Variants in GRM8 observed in about 807,000 individuals in gnomAD.
GRM8 encodes metabotropic glutamate receptor 8.
A neutral mutation model predicts 87.2 loss-of-function variants in GRM8; 47 were observed. That is an observed-to-expected ratio of 0.54 (90% CI 0.43 to 0.69). The LOEUF (loss-of-function observed/expected upper bound fraction) is 0.69, where lower values mean the gene tolerates loss of function less well. Among genes scored for constraint, GRM8 ranks in the 30% least tolerant of loss-of-function variants. The pLI is 0.00. For missense variants in GRM8, 1,019 were observed against 1,139.2 expected (o/e 0.89, Z 1.52); for synonymous variants, 396 against 404.5 (o/e 0.98, Z 0.25).
chr7:126,636,260 G>A (rs916251888), intron 7 of GRM8, among the ~76,000 whole-genome samples: 5 of 151,990 alleles, frequency 3.3e-5, no homozygotes, highest in African/African-American at 1.2e-4. Context: ...GAACAGCATA[G>A]GAGAATAGTG....
chr7:126,606,008 A>C (rs187204861), intron 8 of GRM8, among the ~76,000 whole-genome samples: 1 of 152,230 alleles, frequency 6.6e-6, no homozygotes, highest in South Asian at 2.1e-4. Flanking sequence ...GTATGAGCAC[A>C]GACTGAATTT....
intron 9 of GRM8, among the ~76,000 whole-genome samples, chr7:126,532,191 C>T (rs1814925643): frequency 6.6e-6 from 1 of 152,176 alleles, no homozygotes; most frequent in African/African-American, 2.4e-5. Context: ...ATGTGGAAAA[C>T]ATTAACAAGA....
intron 7 of GRM8, among the ~76,000 whole-genome samples, chr7:126,741,579 A>G (rs1298577739): frequency 1.3e-5 from 2 of 152,146 alleles, no homozygotes; most frequent in African/African-American, 4.8e-5. Flanking sequence ...AATGTCCTCA[A>G]GAAGACCGGT....
chr7:126,557,230 C>A (rs1793241621), intron 8 of GRM8, among the ~76,000 whole-genome samples: 1 of 152,156 alleles, frequency 6.6e-6, no homozygotes, highest in African/African-American at 2.4e-5. Context: ...ACTTTGAAAT[C>A]TTAAAAGAGA....
Position 126,526,432 on chromosome 7 carries a change from C to T in GRM8, c.2430+6520G>A, listed in dbSNP as rs370706083. ...TGTGTTAGCTCTAGCTCTAAGTTCCCAGGCTGAATATCCAGTGGTCTAGTT... is the reference window on the plus strand; with the variant it reads ...TGTGTTAGCTCTAGCTCTAAGTTCCTAGGCTGAATATCCAGTGGTCTAGTT... On this transcript the variant is annotated intron_variant, in intron 9 of 10. Transcript: ENST00000339582. Among the ~76,000 whole-genome samples the T allele has an allele frequency of 3.3e-5, 5 of 152,160 alleles. No individual in the cohort carries two copies. The East Asian group carries it at 7.7e-4, about 23-fold the overall frequency.
At chr7:126,800,827 A>G (rs1265767329) in intron 6 of GRM8, among the ~76,000 whole-genome samples, 2 of 152,168 alleles carry the variant, frequency 1.3e-5, no homozygotes, top group Non-Finnish European at 2.9e-5. Context: ...CTTAAAAAGA[A>G]TGATTAATAT....
chr7:126,744,372 T>C (rs1212230529), intron 7 of GRM8, among the ~76,000 whole-genome samples: 5 of 152,090 alleles, frequency 3.3e-5, no homozygotes, highest in Non-Finnish European at 2.9e-5. Context: ...CTGCCAATGA[T>C]AAAATTTGGG....
intron 9 of GRM8, among the ~76,000 whole-genome samples, chr7:126,471,101 G>T (rs1805153133): frequency 1.3e-5 from 2 of 151,966 alleles, no homozygotes; most frequent in Admixed American, 1.3e-4. Context: ...CCCTTTGTCA[G>T]ATGAGTAGGT....
intron 6 of GRM8, among the ~76,000 whole-genome samples, chr7:126,873,959 C>T (rs999976701): frequency 2.0e-5 from 3 of 152,032 alleles, no homozygotes; most frequent in African/African-American, 7.2e-5. Context: ...TAGTGTTATT[C>T]TTAATGGGTT....
intron 2 of GRM8, among the ~76,000 whole-genome samples, chr7:127,216,535 C>A (rs9691244): frequency 0.19 from 21,785 of 113,712 alleles, 1,945 homozygotes; most frequent in Middle Eastern, 0.22. Flanking sequence ...AAAAAAAAAA[C>A]AAAAAAAAAA....
intron 3 of GRM8, 107 bp downstream of exon 3, chr7:127,106,389 C>A: frequency 1.2e-6 from 1 of 834,050 alleles, no homozygotes; most frequent in South Asian, 1.6e-5. Flanking sequence ...GTTCATGCAT[C>A]TGTAGGAGTT....
intron 3 of GRM8, among the ~76,000 whole-genome samples, chr7:127,010,844 G>C (rs1281742257): frequency 6.6e-6 from 1 of 152,032 alleles, no homozygotes; most frequent in Non-Finnish European, 1.5e-5. Context: ...TGTTTTTTGA[G>C]TAGATATGAT....
chr7:126,829,471 T>C, intron 6 of GRM8, among the ~76,000 whole-genome samples: 7 of 137,346 alleles, frequency 5.1e-5, no homozygotes, highest in South Asian at 5.1e-4. Context: ...CTTCTTTGTC[T>C]CTTTTGATCT....
intron 10 of GRM8, among the ~76,000 whole-genome samples, chr7:126,443,788 A>G (rs1801717511): frequency 6.6e-6 from 1 of 152,030 alleles, no homozygotes; most frequent in African/African-American, 2.4e-5. Flanking sequence ...AAATAGAGAA[A>G]TACATGCAGG....
chr7:127,000,748 T>G (rs994564055), intron 3 of GRM8, among the ~76,000 whole-genome samples: 3 of 151,610 alleles, frequency 2.0e-5, no homozygotes, highest in Non-Finnish European at 4.4e-5. Context: ...TGTACAGAGT[T>G]TCTGTATGGG....
At chr7:127,021,158 A>G (rs1192988100) in intron 3 of GRM8, among the ~76,000 whole-genome samples, 1 of 152,016 alleles carries the variant, frequency 6.6e-6, no homozygotes, top group African/African-American at 2.4e-5. Flanking sequence ...TTATTACTTA[A>G]AGAAGAAAGA....
chr7:126,951,355 T>G (rs930356452), intron 3 of GRM8, among the ~76,000 whole-genome samples: 15 of 152,084 alleles, frequency 9.9e-5, no homozygotes, highest in Admixed American at 6.6e-4. Flanking sequence ...TGACAGATAC[T>G]GCCTTGGGTG....
At chr7:126,496,970 A>ATTT (rs71177562) in intron 9 of GRM8, among the ~76,000 whole-genome samples, 1,713 of 143,008 alleles carry the variant, frequency 0.012, 24 homozygotes, top group African/African-American at 0.03. Context: ...TGAGTTTTGG[A>ATTT]TTTTTTTTTT....
chr7:127,160,643 C>A (rs949887900), intron 2 of GRM8, among the ~76,000 whole-genome samples: 1 of 152,074 alleles, frequency 6.6e-6, no homozygotes, highest in African/African-American at 2.4e-5. Context: ...TAGGGTGGGC[C>A]TTTTTCCCTT....
Sources: gnomAD v4.1 joint callset for allele counts (sites outside exome capture counted in the v4.1 genomes callset) on GRCh38, gnomAD v4.1.1 for gene constraint, MANE v1.5 for transcripts, NCBI Gene and HGNC (gene_info 2026-07-23, HGNC 2026-07-21) for gene names.